LMO4: variants seen among roughly 807,000 people sequenced by gnomAD.
The protein encoded by LMO4 is LIM domain transcription factor LMO4.
In LMO4, 3 loss-of-function variants were observed where a neutral mutation model predicts 18.5. That is an observed-to-expected ratio of 0.16 (90% CI 0.07 to 0.42). LMO4 has a LOEUF of 0.42. Among genes scored for constraint, LMO4 ranks in the 10% least tolerant of loss-of-function variants. The pLI is 0.99. For missense variants in LMO4, 121 were observed against 219.9 expected, an observed-to-expected ratio of 0.55 and a Z score of 2.84; for synonymous variants, 100 against 88.1, an observed-to-expected ratio of 1.14 and a Z score of -0.76.
At position 87,344,875 on chromosome 1, in the gene LMO4, C is replaced by T; in HGVS notation, c.*79C>T. The T allele has an allele frequency of 6.9e-7, 1 of 1,442,850 alleles. No individual in the cohort carries two copies. 89.4% of individuals were successfully genotyped at this position (1,442,850 alleles called of 1,614,324 possible). ...GTGGATCCCATGTGTCTTCAGTAGA[C>T]AAGTCACCTTTGTAGCTAGCACCAG... On this transcript the variant is annotated 3_prime_UTR_variant, in exon 5 of 5. Transcript: ENST00000370544.
At position 87,335,170 on chromosome 1, in the gene LMO4, G is replaced by A. The variant is rs947105317; in HGVS notation, c.236+2919G>A. Among the ~76,000 whole-genome samples the A allele has an allele frequency of 1.3e-4, 20 of 152,254 alleles. No individual in the cohort carries two copies. The East Asian group carries it at 3.9e-3, about 29-fold the overall frequency. On this transcript the variant is annotated intron_variant, in intron 2 of 4. Coordinates refer to ENST00000370544, the MANE Select transcript of LMO4 (RefSeq NM_006769.4). ...CCCACCCCCGGCTCCCGACCCCTCA[G>A]CTCCACCCAAGCGCCCCAAGTAGCT...
chr1:87,338,159 A>C (rs999120272), intron 2 of LMO4, among the ~76,000 whole-genome samples: 1 of 152,194 alleles, frequency 6.6e-6, no homozygotes, highest in Non-Finnish European at 1.5e-5. Flanking sequence ...GGCGACAGCA[A>C]ATTAGTAGTT....
intron 2 of LMO4, among the ~76,000 whole-genome samples, chr1:87,335,460 G>T (rs968510339): frequency 3.3e-5 from 5 of 151,842 alleles, no homozygotes; most frequent in East Asian, 1.9e-4. Flanking sequence ...GGGCCCACGA[G>T]GGGGCGAGCG....
rs1306186561 is a variant in LMO4 at position 87,340,159 on chromosome 1, A to G, written c.446A>G (p.His149Arg). 1 of 1,614,182 alleles carries G rather than the reference A, an allele frequency of 6.2e-7. No homozygotes were observed. Among genetic ancestry groups the G allele is most frequent in the Non-Finnish European group, 8.5e-7 (1 of 1,180,034 alleles). Residue 149 changes from histidine to arginine, a missense_variant, in exon 4 of 5, where the codon CAT becomes CGT. By Grantham distance (29) the His-to-Arg change is conservative. Around this residue, in one of 4 missense-constraint regions of LMO4, gnomAD observed 62 missense variants for 128.8 expected, o/e 0.48. Transcript: ENST00000370544. The part of the protein sequence containing the change: ...HDRPTALING[H>R]LNSLQSNPLL... The stretch of plus-strand genomic sequence containing the variant: ...AGACCTACAGCTCTCATCAATGGCC[A>G]TTTGAATTCACTTCAGAGCAATCCA...
chr1:87,337,967 C>G (rs921486243), intron 2 of LMO4, among the ~76,000 whole-genome samples: 1 of 152,130 alleles, frequency 6.6e-6, no homozygotes, highest in Non-Finnish European at 1.5e-5. Context: ...GTCAATGTGT[C>G]GTGGATCTCA....
chr1:87,328,909 T>TGCGCCGCGCCTGAAGCC lies in LMO4; in HGVS notation c.-329_-313dup, dbSNP rs1399971523. ...CAGCGATTGCAGCAGTTGCTGCCGC[T>TGCGCCGCGCCTGAAGCC]GCGCCGCGCCTGAAGCCGCGCCGCG... On this transcript the variant is annotated 5_prime_UTR_variant, in exon 1 of 5. Transcript: ENST00000370544. 14 of 152,274 alleles carry TGCGCCGCGCCTGAAGCC rather than the reference T, an allele frequency of 9.2e-5. No homozygotes were observed. The highest frequency in any genetic ancestry group is 1.9e-4 in the African/African-American group (8 of 41,334). 9.4% of individuals were successfully genotyped at this position (152,274 alleles called of 1,614,324 possible).
At chr1:87,342,950 T>C (rs1377216481) in intron 4 of LMO4, among the ~76,000 whole-genome samples, 1 of 152,206 alleles carries the variant, frequency 6.6e-6, no homozygotes, top group Non-Finnish European at 1.5e-5. Context: ...TTCGTTTTAT[T>C]ATTTTCTCCT....
In LMO4 at chr1:87,340,076, C is replaced by T; in HGVS notation, c.363C>T (p.Arg121=). Reference sequence around the variant, plus strand: ...TTACATGCTCTACCTGCCGGAATCGCCTGGTCCCGGGAGATCGGTTTCACT... The same window carrying T: ...TTACATGCTCTACCTGCCGGAATCGTCTGGTCCCGGGAGATCGGTTTCACT... ...KCFTCSTCRN[R]LVPGDRFHYI... is the part of the protein sequence containing the mutation. The change falls in exon 4 of 5, where the codon CGC becomes CGT. Residue 121 remains arginine (R), a synonymous_variant. Transcript: ENST00000370544. 1 of 1,614,028 alleles carries T rather than the reference C, an allele frequency of 6.2e-7. No individual in the cohort carries two copies. Among genetic ancestry groups the T allele is most frequent in the Non-Finnish European group, 8.5e-7 (1 of 1,179,984 alleles).
chr1:87,333,765 A>G (rs1399463258), intron 2 of LMO4, among the ~76,000 whole-genome samples: 1 of 152,204 alleles, frequency 6.6e-6, no homozygotes, highest in Non-Finnish European at 1.5e-5. Flanking sequence ...ATCAGCAGGA[A>G]CATGGGTGTA....
At chr1:87,335,339 G>A (rs1650274908) in intron 2 of LMO4, among the ~76,000 whole-genome samples, 2 of 152,234 alleles carry the variant, frequency 1.3e-5, no homozygotes, top group Admixed American at 6.5e-5. Context: ...GAGGAAACGC[G>A]CCGGAAGCCA....
At position 87,346,825 on chromosome 1, in the gene LMO4, G is replaced by A. The variant is rs1650648778; in HGVS notation, c.*2029G>A. On this transcript the variant is annotated 3_prime_UTR_variant, in exon 5 of 5. Transcript: ENST00000370544. ...GATGTCTGTTTGAATTAGATCCTTGGGGAATTTCTTCAAACTAGTTCTGGT... is the reference window on the plus strand; with the variant it reads ...GATGTCTGTTTGAATTAGATCCTTGAGGAATTTCTTCAAACTAGTTCTGGT... The A allele has an allele frequency of 6.6e-6, 1 of 152,136 alleles. No homozygotes were observed. Among genetic ancestry groups the A allele is most frequent in the African/African-American group, 2.4e-5 (1 of 41,432 alleles). The allele number at this position is 152,136 out of a possible 1,614,324, so 9.4% of individuals were successfully genotyped here. A position where few individuals can be genotyped will look rare whatever the true frequency, so the allele number is the denominator to read the frequency against.
At chr1:87,343,028 A>AG (rs1381909302) in intron 4 of LMO4, among the ~76,000 whole-genome samples, 7 of 152,164 alleles carry the variant, frequency 4.6e-5, no homozygotes, top group African/African-American at 1.7e-4. Flanking sequence ...TTCTATTCGC[A>AG]GAATCAATTA....
rs1011633675 is a variant in LMO4, at chr1:87,345,466, C to G, written c.*670C>G. On this transcript the variant is annotated 3_prime_UTR_variant, in exon 5 of 5. Transcript: ENST00000370544. ...TAGCAGCTACTGTGTAGAAAATTCC[C>G]CCTACTTCTAATTTGCTGAATGAAG... is the stretch of plus-strand genomic sequence containing the variant. 22 of 151,220 alleles carry G rather than the reference C, an allele frequency of 1.5e-4. No individual in the cohort carries two copies. Among genetic ancestry groups the G allele is most frequent in the African/African-American group, 4.4e-4 (18 of 41,062 alleles). 9.4% of individuals were successfully genotyped at this position (151,220 alleles called of 1,614,324 possible). A position where few individuals can be genotyped will look rare whatever the true frequency, so the allele number is the denominator to read the frequency against.
intron 1 of LMO4, chr1:87,331,603 G>T (rs137997987): frequency 9.6e-6 from 2 of 208,168 alleles, no homozygotes; most frequent in Non-Finnish European, 9.6e-6. Flanking sequence ...CGGTGGGTGG[G>T]TTTGACCCTC....
Position 87,332,150 on chromosome 1 carries a change from C to G in LMO4, c.135C>G (p.Ser45Arg), listed in dbSNP as rs772620401. The change falls in exon 2 of 5, where the codon AGC (serine) becomes AGG (arginine). Residue 45 changes from serine to arginine, a missense_variant. Transcript: ENST00000370544. ...ATGCCATGGACAGCTATTGGCACAG[C>G]CGGTGCCTCAAGTGCTCCTGCTGCC... ...LLYAMDSYWH[S>R]RCLKCSCCQA... 6.2e-7 allele frequency: 1 copy of G among 1,614,194 alleles called. No individual in the cohort carries two copies.
chr1:87,335,709 A>G (rs1194970122), intron 2 of LMO4, among the ~76,000 whole-genome samples: 2 of 152,200 alleles, frequency 1.3e-5, no homozygotes, highest in African/African-American at 4.8e-5. Context: ...AAGCTGCTAT[A>G]TTCAGAGAAT....
Position 87,345,966 on chromosome 1 carries a change from C to T in LMO4, c.*1170C>T, listed in dbSNP as rs1650615145. 1 of 152,112 alleles carries T rather than the reference C, an allele frequency of 6.6e-6. No individual in the cohort carries two copies. Among genetic ancestry groups the T allele is most frequent in the Non-Finnish European group, 1.5e-5 (1 of 68,022 alleles). The allele number at this position is 152,112 out of a possible 1,614,324, so 9.4% of individuals were successfully genotyped here. The stretch of plus-strand genomic sequence containing the variant: ...AAAGTATGTATAAAAAAAAATACGG[C>T]ACAACCATCCTGTTCTCTTATTGAG... On this transcript the variant is annotated 3_prime_UTR_variant, in exon 5 of 5. Coordinates refer to ENST00000370544, the MANE Select transcript of LMO4 (RefSeq NM_006769.4).
At position 87,348,793 on chromosome 1, in the gene LMO4, T is replaced by G; in HGVS notation, c.*3997T>G. ...AATGTTTTCAAGTTCAGATTGATTCTGCTGAGAATGGACGGCAACTCGGAG... is the reference window on the plus strand; with the variant it reads ...AATGTTTTCAAGTTCAGATTGATTCGGCTGAGAATGGACGGCAACTCGGAG... On this transcript the variant is annotated 3_prime_UTR_variant, in exon 5 of 5. Transcript: ENST00000370544. 1 of 509,414 alleles carries G rather than the reference T, an allele frequency of 2.0e-6. No individual in the cohort carries two copies. Among genetic ancestry groups the G allele is most frequent in the Non-Finnish European group, 3.9e-6 (1 of 255,204 alleles). The allele number at this position is 509,414 out of a possible 1,614,324, so 31.6% of individuals were successfully genotyped here. A position where few individuals can be genotyped will look rare whatever the true frequency, so the allele number is the denominator to read the frequency against.
intron 1 of LMO4, chr1:87,331,690 A>G (rs968411536): frequency 2.9e-5 from 10 of 341,908 alleles, no homozygotes; most frequent in African/African-American, 1.7e-4. Context: ...AGGTGCCGCG[A>G]GGGGTGGAGC....
Sources: allele counts gnomAD v4.1 joint callset (sites outside exome capture counted in the v4.1 genomes callset), GRCh38; gene constraint gnomAD v4.1.1; regional missense constraint gnomAD v4.1.1; transcripts MANE v1.5; gene names NCBI Gene and HGNC (gene_info 2026-07-23, HGNC 2026-07-21).